Variants in ACP3 observed in about 807,000 individuals in gnomAD.
The protein encoded by ACP3 is acid phosphatase 3, also known as prostatic acid phosphatase.
A neutral mutation model predicts 45.6 loss-of-function variants in ACP3; 38 were observed. The observed-to-expected ratio is 0.83, with a 90% CI of 0.64 to 1.09. The LOEUF (loss-of-function observed/expected upper bound fraction) is 1.09, where lower values mean the gene tolerates loss of function less well. Among genes scored for constraint, ACP3 ranks in the 50% least tolerant of loss-of-function variants. The pLI is 0.00. For synonymous variants in ACP3, 162 were observed against 164.7 expected, an observed-to-expected ratio of 0.98 and a Z score of 0.13; for missense variants, 466 against 463.2, an observed-to-expected ratio of 1.01 and a Z score of -0.05.
intron 8 of ACP3, among the ~76,000 whole-genome samples, chr3:132,350,635 A>G (rs1937707334): frequency 6.6e-6 from 1 of 152,210 alleles, no homozygotes; most frequent in Non-Finnish European, 1.5e-5. Flanking sequence ...CAGATATACA[A>G]CATCTCCATC....
chr3:132,353,904 AG>A (rs1937817636), intron 9 of ACP3, among the ~76,000 whole-genome samples: 4 of 152,252 alleles, frequency 2.6e-5, no homozygotes. Context: ...CTGCTTACAA[AG>A]AAGTGAGTTC....
At chr3:132,352,863 C>A in intron 9 of ACP3, 40 bp downstream of exon 9, 2 of 1,391,970 alleles carry the variant, frequency 1.4e-6, no homozygotes, top group Non-Finnish European at 2.0e-6. Flanking sequence ...TATCACTGGA[C>A]CTTGGGTTTC....
exon 11 of ACP3, chr3:132,367,813 G>A: frequency 4.4e-6 from 7 of 1,609,016 alleles, no homozygotes; most frequent in Non-Finnish European, 3.4e-6. Context: ...AATCCTATGG[G>A]AACATCTGAA....
chr3:132,322,308 A>G (rs1202085897), intron 1 of ACP3, among the ~76,000 whole-genome samples: 3 of 152,184 alleles, frequency 2.0e-5, no homozygotes, highest in Admixed American at 2.0e-4. Flanking sequence ...AGTACAGAAC[A>G]TATTCTCATG....
intron 1 of ACP3, among the ~76,000 whole-genome samples, chr3:132,325,672 G>A (rs1254611082): frequency 2.7e-5 from 4 of 149,022 alleles, no homozygotes; most frequent in African/African-American, 7.5e-5. Flanking sequence ...ATAAAGAAGC[G>A]TTAGATCCCA....
At chr3:132,359,338 C>T (rs901836344), downstream of ACP3, among the ~76,000 whole-genome samples, 13 of 152,040 alleles carry the variant, frequency 8.6e-5, no homozygotes, top group Non-Finnish European at 1.5e-4. Flanking sequence ...CGGTGAAACC[C>T]CATCTCTACT....
chr3:132,341,925 T>C (rs894386399), intron 5 of ACP3, among the ~76,000 whole-genome samples: 6 of 152,234 alleles, frequency 3.9e-5, no homozygotes, highest in Admixed American at 6.5e-5. Context: ...TAGCTGAACA[T>C]TGGGTCTCAT....
chr3:132,339,370 A>T (rs1156534861), intron 5 of ACP3, among the ~76,000 whole-genome samples: 1 of 152,238 alleles, frequency 6.6e-6, no homozygotes, highest in Non-Finnish European at 1.5e-5. Flanking sequence ...TGCAGTAGAC[A>T]CCAGCTGGGT....
Position 132,358,549 on chromosome 3 carries a change from T to A in ACP3, c.*1671T>A. 8.6e-7 allele frequency: 1 copy of A among 1,160,000 alleles called. No homozygotes were observed. Among genetic ancestry groups the A allele is most frequent in the Non-Finnish European group, 1.1e-6 (1 of 911,202 alleles). 71.9% of individuals were successfully genotyped at this position (1,160,000 alleles called of 1,614,324 possible). ...AGATGAGATGGTTTCTAGAGATGGT[T>A]TCTACTGGCTGCCAGAATCTAGAGC... is the stretch of plus-strand genomic sequence containing the variant. On this transcript the variant is annotated 3_prime_UTR_variant, in exon 10 of 10. Coordinates refer to ENST00000336375, the MANE Select transcript of ACP3 (RefSeq NM_001099.5).
intron 2 of ACP3, among the ~76,000 whole-genome samples, chr3:132,329,470 A>G (rs2107797336): frequency 1.3e-5 from 2 of 152,294 alleles, no homozygotes; most frequent in South Asian, 4.1e-4. Context: ...CAGGCAGGCT[A>G]TTTGAGACCA....
intron 2 of ACP3, among the ~76,000 whole-genome samples, chr3:132,328,897 T>C (rs1559830167): frequency 6.6e-6 from 1 of 152,092 alleles, no homozygotes; most frequent in South Asian, 2.1e-4. Flanking sequence ...AAGTGAAAAA[T>C]AGTCTTGTAA....
At chr3:132,320,868 C>T (rs1937195086) in intron 1 of ACP3, among the ~76,000 whole-genome samples, 1 of 152,048 alleles carries the variant, frequency 6.6e-6, no homozygotes. Context: ...CCAGGCTGGT[C>T]TTGAACTCTT....
chr3:132,317,667 A>T (rs1937134656), intron 1 of ACP3, 91 bp downstream of exon 1: 1 of 1,405,926 alleles, frequency 7.1e-7, no homozygotes, highest in Non-Finnish European at 9.4e-7. Flanking sequence ...TTATCCTTGG[A>T]TTGTTTCCCA....
chr3:132,350,683 G>A (rs1937709169), intron 8 of ACP3, among the ~76,000 whole-genome samples: 1 of 152,166 alleles, frequency 6.6e-6, no homozygotes, highest in Non-Finnish European at 1.5e-5. Flanking sequence ...GATATGGAGT[G>A]TCAGAAGTTT....
downstream of ACP3, chr3:132,358,863 T>C: frequency 1.0e-6 from 1 of 984,892 alleles, no homozygotes; most frequent in African/African-American, 1.7e-5. Context: ...GTTTGGGGTT[T>C]TTGTTTTAGT....
At chr3:132,335,102 C>G (rs1175708400) in intron 4 of ACP3, among the ~76,000 whole-genome samples, 1 of 151,946 alleles carries the variant, frequency 6.6e-6, no homozygotes, top group African/African-American at 2.4e-5. Flanking sequence ...AAATTCCAGG[C>G]CTTTTAATGA....
chr3:132,342,078 C>G (rs193045925), intron 5 of ACP3, among the ~76,000 whole-genome samples: 53 of 152,304 alleles, frequency 3.5e-4, no homozygotes, highest in African/African-American at 1.2e-3. Context: ...TCCTTTCTCA[C>G]CTGGGACATA....
intron 1 of ACP3, among the ~76,000 whole-genome samples, chr3:132,327,068 C>T (rs1388349396): frequency 6.6e-6 from 1 of 152,200 alleles, no homozygotes; most frequent in African/African-American, 2.4e-5. Context: ...GACATGGGTA[C>T]AAATATAGAA....
chr3:132,366,299 C>CA (rs757548940), intron 10 of ACP3, among the ~76,000 whole-genome samples: 16,553 of 81,662 alleles, frequency 0.2, 1,448 homozygotes, highest in East Asian at 0.56. Context: ...AACTCTGTCT[C>CA]AAAAAAAAAA....
Sources: gnomAD v4.1 joint callset for allele counts (sites outside exome capture counted in the v4.1 genomes callset) on GRCh38, gnomAD v4.1.1 for gene constraint, MANE v1.5 for transcripts, NCBI Gene and HGNC (gene_info 2026-07-23, HGNC 2026-07-21) for gene names.